The following SBF2 variants were observed in gnomAD, a reference collection of about 807,000 sequenced individuals.
SBF2 encodes myotubularin-related protein 13.
In SBF2, 112 loss-of-function variants were observed where a neutral mutation model predicts 225.2. That is an observed-to-expected ratio of 0.50 (90% CI 0.43 to 0.58). The LOEUF is 0.58. Ranked by LOEUF, SBF2 falls within the 20% of genes least tolerant of loss-of-function variation. SBF2 has a pLI of 0.00. For missense variants in SBF2, 1,996 were observed against 2,206.2 expected, an observed-to-expected ratio of 0.90 and a Z score of 1.91; for synonymous variants, 763 against 773.3, an observed-to-expected ratio of 0.99 and a Z score of 0.22.
intron 32 of SBF2, among the ~76,000 whole-genome samples, chr11:9,801,903 T>C (rs935925337): frequency 6.6e-6 from 1 of 152,260 alleles, no homozygotes. Context: ...GGAAGGCTCA[T>C]ATCTTCAAAA....
At chr11:10,229,218 T>C (rs951435895) in intron 1 of SBF2, among the ~76,000 whole-genome samples, 71 of 152,300 alleles carry the variant, frequency 4.7e-4, no homozygotes, top group African/African-American at 1.7e-3. Context: ...TTCTTCTTTA[T>C]TACTCTTGCT....
intron 30 of SBF2, chr11:9,810,369 C>T (rs1854115451): frequency 6.6e-6 from 1 of 152,112 alleles, no homozygotes; most frequent in South Asian, 2.1e-4. Flanking sequence ...GTTTTTAAAG[C>T]CACATCAATT....
chr11:10,021,136 T>C (rs569829652), intron 6 of SBF2, among the ~76,000 whole-genome samples: 2 of 152,298 alleles, frequency 1.3e-5, no homozygotes, highest in African/African-American at 4.8e-5. Flanking sequence ...TTTTCAAAAA[T>C]GCCTATTAAA....
chr11:9,828,033 T>C (rs1417067629), intron 28 of SBF2: 6 of 676,916 alleles, frequency 8.9e-6, no homozygotes, highest in South Asian at 1.9e-5. Flanking sequence ...ATTTGAATCA[T>C]AATTAATTGA....
intron 33 of SBF2, among the ~76,000 whole-genome samples, chr11:9,792,236 A>T (rs1230592534): frequency 6.6e-6 from 1 of 152,076 alleles, no homozygotes; most frequent in African/African-American, 2.4e-5. Context: ...GTTTGAGACC[A>T]GCCTGCCAAC....
At chr11:10,231,750 G>T (rs975753193) in intron 1 of SBF2, among the ~76,000 whole-genome samples, 3 of 152,202 alleles carry the variant, frequency 2.0e-5, no homozygotes, top group Non-Finnish European at 4.4e-5. Flanking sequence ...GGCTACTCAG[G>T]GGTCAGGGAC....
intron 38 of SBF2, 67 bp downstream of exon 38, chr11:9,784,284 C>A: frequency 1.7e-6 from 2 of 1,166,398 alleles, no homozygotes; most frequent in South Asian, 2.4e-5. Context: ...CTGCTAGAGC[C>A]ACATAATAGC....
At position 9,885,852 on chromosome 11, in the gene SBF2, T is replaced by C. The variant is rs191258575; in HGVS notation, c.1929+10091A>G. Among the ~76,000 whole-genome samples the C allele has an allele frequency of 3.8e-3, 574 of 152,294 alleles. 3 individuals are homozygous for C. Among genetic ancestry groups the C allele is most frequent in the South Asian group, 5.2e-3 (25 of 4,822 alleles). On this transcript the variant is annotated intron_variant, in intron 17 of 39. Transcript: ENST00000256190. ...GATTGTTTCCAAGGCAGAAACAGAA[T>C]TGAAACAGACTCACACAGGACAACC... is the stretch of plus-strand genomic sequence containing the variant.
intron 26 of SBF2, among the ~76,000 whole-genome samples, chr11:9,836,356 T>C (rs565121568): frequency 1.2e-4 from 18 of 152,158 alleles, no homozygotes; most frequent in African/African-American, 1.7e-4. Context: ...GCATCCTTTA[T>C]TGAAAAAACA....
rs7928481 is a variant in SBF2, at chr11:9,835,588, C to T, written c.3456-3168G>A. ...TTGAGGCTGCAGTGAGTTGGAATCA[C>T]ATCACTGCACTCCAGCCTGGGAGAC... On this transcript the variant is annotated intron_variant, in intron 26 of 39. Transcript: ENST00000256190. 1.5e-3 allele frequency among the ~76,000 whole-genome samples: 212 copies of T among 139,820 alleles called. 1 individual carries two copies. The highest frequency in any genetic ancestry group is 5.2e-3 in the African/African-American group (194 of 37,510). 91.7% of individuals were successfully genotyped at this position (139,820 alleles called of 152,430 possible).
chr11:9,843,166 G>T (rs781233516), intron 24 of SBF2, among the ~76,000 whole-genome samples: 9 of 152,128 alleles, frequency 5.9e-5, no homozygotes, highest in Admixed American at 2.6e-4. Context: ...AAGCCAGCCT[G>T]CCCACTTCTC....
chr11:9,849,873 T>G lies in SBF2; in HGVS notation c.2806+150A>C, dbSNP rs1856798401. ...AACTATGACCCAAATTATCATTAGC[T>G]CTGTCAGACTAAAGTATTTCACCAA... On this transcript the variant is annotated intron_variant, in intron 22 of 39. Coordinates refer to ENST00000256190, the MANE Select transcript of SBF2 (RefSeq NM_030962.4). 3 of 744,798 alleles carry G rather than the reference T, an allele frequency of 4.0e-6. No individual in the cohort carries two copies. The South Asian group carries it at 4.4e-5, about 11-fold the overall frequency. 46.1% of individuals were successfully genotyped at this position (744,798 alleles called of 1,614,324 possible). A position where few individuals can be genotyped will look rare whatever the true frequency, so the allele number is the denominator to read the frequency against.
chr11:10,017,400 C>T (rs1315551443), intron 6 of SBF2, among the ~76,000 whole-genome samples: 2 of 152,162 alleles, frequency 1.3e-5, no homozygotes, highest in African/African-American at 4.8e-5. Flanking sequence ...CAGTATAGTT[C>T]TGGTCACAGC....
chr11:9,995,413 C>G (rs1464361229), intron 9 of SBF2, among the ~76,000 whole-genome samples: 1 of 152,124 alleles, frequency 6.6e-6, no homozygotes, highest in Non-Finnish European at 1.5e-5. Context: ...AAAGGCAACA[C>G]TAAAATATTG....
chr11:10,084,721 G>A (rs575590654), intron 2 of SBF2, among the ~76,000 whole-genome samples: 11 of 152,278 alleles, frequency 7.2e-5, no homozygotes, highest in Non-Finnish European at 1.5e-4. Flanking sequence ...AGAAAATGTG[G>A]TAGGTATATA....
chr11:10,139,307 T>C (rs1389046657), intron 2 of SBF2, among the ~76,000 whole-genome samples: 1 of 152,198 alleles, frequency 6.6e-6, no homozygotes, highest in Non-Finnish European at 1.5e-5. Flanking sequence ...CCAGGCATAT[T>C]GTAGAGTCTC....
intron 28 of SBF2, 146 bp downstream of exon 28, chr11:9,829,210 T>C (rs1855234908): frequency 2.3e-6 from 2 of 868,514 alleles, no homozygotes; most frequent in African/African-American, 3.3e-5. Flanking sequence ...TAAAAGGAGT[T>C]AAACTTATAA....
In SBF2 at chr11:10,112,020, A is replaced by G. The variant is rs2083713; in HGVS notation, c.142-69039T>C. Among the ~76,000 whole-genome samples, 1,189 of 152,374 alleles carry G rather than the reference A, an allele frequency of 7.8e-3. 15 individuals carry two copies. The highest frequency in any genetic ancestry group is 0.027 in the African/African-American group (1,121 of 41,580). Reference sequence around the variant, plus strand: ...TAGACATCAAATTTGAATGACATAAATTACTCTGAATCACAGAAAGATGTA... The same window carrying G: ...TAGACATCAAATTTGAATGACATAAGTTACTCTGAATCACAGAAAGATGTA... On this transcript the variant is annotated intron_variant, in intron 2 of 39. Transcript: ENST00000256190.
At chr11:9,942,357 C>T (rs561967869) in intron 16 of SBF2, among the ~76,000 whole-genome samples, 103 of 152,298 alleles carry the variant, frequency 6.8e-4, no homozygotes, top group African/African-American at 2.4e-3. Flanking sequence ...CCAGCCCATA[C>T]AGTGTTATGA....
Sources: allele counts gnomAD v4.1 joint callset (sites outside exome capture counted in the v4.1 genomes callset), GRCh38; gene constraint gnomAD v4.1.1; transcripts MANE v1.5; gene names NCBI Gene and HGNC (gene_info 2026-07-23, HGNC 2026-07-21).